EPG5: variants seen among roughly 807,000 people sequenced by gnomAD.
EPG5 encodes the protein ectopic P granules protein 5 homolog.
EPG5 carries 159 observed loss-of-function variants against 302.7 expected under a neutral mutation model. The ratio of observed to expected loss-of-function variants is 0.53; its 90% CI spans 0.46 to 0.60. The LOEUF is 0.60. Ranked by LOEUF, EPG5 falls within the 20% of genes least tolerant of loss-of-function variation. The probability of loss-of-function intolerance (pLI) is 0.00; values close to 1 mark genes in which losing one functional copy is unlikely to be tolerated. For missense variants in EPG5, 2,896 were observed against 3,092.4 expected, an observed-to-expected ratio of 0.94 and a Z score of 1.51; for synonymous variants, 1,158 against 1,136.8, an observed-to-expected ratio of 1.02 and a Z score of -0.37.
chr18:45,936,720 CAAAAAA>C (rs762675563), intron 10 of EPG5, among the ~76,000 whole-genome samples: 8 of 53,844 alleles, frequency 1.5e-4, no homozygotes, highest in East Asian at 5.2e-4. Flanking sequence ...GACTCCATTT[CAAAAAA>C]AAAAAAAAAA....
At chr18:45,913,615 A>T in intron 21 of EPG5, 91 bp downstream of exon 21, 4 of 1,489,668 alleles carry the variant, frequency 2.7e-6, no homozygotes, top group Non-Finnish European at 3.7e-6. Flanking sequence ...CAACAAAATA[A>T]AACACAAAAG....
intron 16 of EPG5, 113 bp from the exon 17 acceptor site, chr18:45,917,932 ATGTTTT>A: frequency 2.0e-6 from 2 of 1,014,824 alleles, no homozygotes; most frequent in Admixed American, 2.6e-5. Flanking sequence ...TCTCCAACAC[ATGTTTT>A]ATACCCAATC....
At chr18:45,937,327 T>C (rs28545388) in intron 10 of EPG5, among the ~76,000 whole-genome samples, 77 of 149,864 alleles carry the variant, frequency 5.1e-4, no homozygotes, top group Non-Finnish European at 5.6e-4. Flanking sequence ...TATTTATATA[T>C]ATATACACAT....
rs1177197517 is a variant in EPG5, at chr18:45,849,612, C to G, written c.*2855G>C. 6.6e-6 allele frequency: 1 copy of G among 152,206 alleles called. No homozygotes were observed. The highest frequency in any genetic ancestry group is 1.5e-5 in the Non-Finnish European group (1 of 68,056). 9.4% of individuals were successfully genotyped at this position (152,206 alleles called of 1,614,324 possible). A position where few individuals can be genotyped will look rare whatever the true frequency, so the allele number is the denominator to read the frequency against. On this transcript the variant is annotated 3_prime_UTR_variant, in exon 44 of 44. Transcript: ENST00000282041. ...GATTTTGATGATGAACTGAGAGGAA[C>G]CAGGAGGCCGTCACTTGGTTGAAAG...
At chr18:45,881,254 C>T (rs2049092439) in intron 31 of EPG5, among the ~76,000 whole-genome samples, 1 of 152,206 alleles carries the variant, frequency 6.6e-6, no homozygotes. Context: ...TTTACAATCT[C>T]TTTAAAAGAT....
the EPG5 span, chr18:45,837,887 C>T: frequency 6.6e-6 from 10 of 1,523,310 alleles, no homozygotes; most frequent in Non-Finnish European, 8.7e-6. Context: ...CGTCCGGCTG[C>T]ACGTGACAGG....
chr18:45,855,129 C>T (rs534737298), intron 43 of EPG5, among the ~76,000 whole-genome samples: 3 of 152,062 alleles, frequency 2.0e-5, no homozygotes, highest in South Asian at 2.1e-4. Context: ...TAGCATCAGC[C>T]AACAATAGTC....
chr18:45,830,363 T>C, the EPG5 span, among the ~76,000 whole-genome samples: 1 of 152,232 alleles, frequency 6.6e-6, no homozygotes, highest in East Asian at 1.9e-4. Flanking sequence ...ATCAGTCAAC[T>C]GCTCCCTAGT....
At chr18:45,816,694 G>A in the EPG5 span, among the ~76,000 whole-genome samples, 5 of 152,136 alleles carry the variant, frequency 3.3e-5, no homozygotes, top group African/African-American at 4.8e-5. Flanking sequence ...CAGCCACTAC[G>A]GAAAACAGTG....
chr18:45,830,149 G>A, the EPG5 span, among the ~76,000 whole-genome samples: 15 of 152,212 alleles, frequency 9.9e-5, no homozygotes, highest in African/African-American at 1.7e-4. Context: ...AGAGGTTCCC[G>A]TGCAAATTCC....
At chr18:45,821,702 T>G in the EPG5 span, among the ~76,000 whole-genome samples, 2 of 152,192 alleles carry the variant, frequency 1.3e-5, no homozygotes, top group African/African-American at 2.4e-5. Flanking sequence ...TTGCAAACTA[T>G]TCATCCTCTG....
intron 1 of EPG5, among the ~76,000 whole-genome samples, chr18:45,964,359 C>T (rs2051205409): frequency 6.6e-6 from 1 of 152,182 alleles, no homozygotes; most frequent in Non-Finnish European, 1.5e-5. Context: ...CTCTCACGAA[C>T]TGCATGACAC....
the EPG5 span, chr18:45,837,539 C>T: frequency 6.6e-7 from 1 of 1,517,560 alleles, no homozygotes; most frequent in Non-Finnish European, 8.8e-7. Context: ...CTGGTCCATG[C>T]AGGTGCCACC....
At chr18:45,867,295 G>A (rs1404688140) in intron 37 of EPG5, among the ~76,000 whole-genome samples, 2 of 152,146 alleles carry the variant, frequency 1.3e-5, no homozygotes, top group Non-Finnish European at 2.9e-5. Flanking sequence ...ACTTCAAGAA[G>A]CATACAAGAG....
At chr18:45,836,929 C>T in the EPG5 span, 51 of 729,552 alleles carry the variant, frequency 7.0e-5, no homozygotes, top group Non-Finnish European at 1.1e-4. Flanking sequence ...ATCCTGAACG[C>T]TGGCTTGGCC....
Position 45,880,187 on chromosome 18 carries a change from T to A in EPG5, c.5555A>T (p.Lys1852Met). 1 of 1,609,482 alleles carries A rather than the reference T, an allele frequency of 6.2e-7. No individual in the cohort carries two copies. The highest frequency in any genetic ancestry group is 8.5e-7 in the Non-Finnish European group (1 of 1,177,312). Residue 1852 changes from lysine to methionine, a missense_variant, in exon 32 of 44, where the codon AAG becomes ATG. Around this residue, in one of 5 missense-constraint regions of EPG5, gnomAD observed 790 missense variants for 798.0 expected, o/e 0.99. Coordinates refer to ENST00000282041, the MANE Select transcript of EPG5 (RefSeq NM_020964.3). ...AEQLLSPECW[K>M]ATLRALGCCA... ...GCAGCCCAGGGCTCTCAGAGTGGCC[T>A]TCCAACACTCGGGGCTCAGAAGCTG...
At chr18:45,809,380 T>C in the EPG5 span, among the ~76,000 whole-genome samples, 2 of 152,092 alleles carry the variant, frequency 1.3e-5, no homozygotes, top group Admixed American at 1.3e-4. Flanking sequence ...AATTAACAGA[T>C]ATATACAGAA....
intron 1 of EPG5, among the ~76,000 whole-genome samples, chr18:45,963,277 T>A (rs1365858088): frequency 6.6e-6 from 1 of 152,094 alleles, no homozygotes; most frequent in Non-Finnish European, 1.5e-5. Flanking sequence ...AGCTGACACC[T>A]CACAAATGAG....
intron 1 of EPG5, among the ~76,000 whole-genome samples, chr18:45,955,638 T>C (rs1158493015): frequency 1.3e-5 from 2 of 152,166 alleles, no homozygotes; most frequent in African/African-American, 2.4e-5. Flanking sequence ...GAAAGTTAAT[T>C]AGATTGTACA....
Sources: allele counts gnomAD v4.1 joint callset (sites outside exome capture counted in the v4.1 genomes callset), GRCh38; gene constraint gnomAD v4.1.1; regional missense constraint gnomAD v4.1.1; transcripts MANE v1.5; gene names NCBI Gene and HGNC (gene_info 2026-07-23, HGNC 2026-07-21).